Variants in CDH6 observed in about 807,000 individuals in gnomAD.
CDH6 encodes the protein cadherin 6, also known as cadherin-6.
A neutral mutation model predicts 78.0 loss-of-function variants in CDH6; 31 were observed. That is an observed-to-expected ratio of 0.40 (90% confidence interval 0.30 to 0.54). CDH6 has a LOEUF of 0.54. CDH6 is among the 20% of genes least tolerant of loss of function. The probability of loss-of-function intolerance (pLI) is 0.56; values close to 1 mark genes in which losing one functional copy is unlikely to be tolerated. For synonymous variants in CDH6, 376 were observed against 368.8 expected, an observed-to-expected ratio of 1.02 and a Z score of -0.23; for missense variants, 724 against 975.9, an observed-to-expected ratio of 0.74 and a Z score of 3.44.
intron 4 of CDH6, among the ~76,000 whole-genome samples, chr5:31,298,016 G>A (rs1477993477): frequency 1.3e-5 from 2 of 152,140 alleles, no homozygotes; most frequent in South Asian, 2.1e-4. Context: ...GTTGTGTGAA[G>A]CCACTAAGAT....
intron 1 of CDH6, among the ~76,000 whole-genome samples, chr5:31,226,714 C>T (rs1040328220): frequency 3.3e-5 from 5 of 152,192 alleles, no homozygotes; most frequent in Non-Finnish European, 7.3e-5. Context: ...TCAGTTCAAA[C>T]TCCTCTTGAA....
At chr5:31,212,159 T>A (rs1740726863) in intron 1 of CDH6, among the ~76,000 whole-genome samples, 3 of 152,208 alleles carry the variant, frequency 2.0e-5, no homozygotes, top group Non-Finnish European at 4.4e-5. Flanking sequence ...TAGTTTTGAC[T>A]TAATCAAGGT....
Position 31,328,349 on chromosome 5 carries a change from A to C in CDH6, c.*5041A>C, listed in dbSNP as rs943239276. ...ACGTTATTTATGTAAATATGTCTGGAGGCACCTTCTCTAAGCTTTTAGTTT... is the reference window on the plus strand; with the variant it reads ...ACGTTATTTATGTAAATATGTCTGGCGGCACCTTCTCTAAGCTTTTAGTTT... On this transcript the variant is annotated 3_prime_UTR_variant, in exon 12 of 12. Coordinates refer to ENST00000265071, the MANE Select transcript of CDH6 (RefSeq NM_004932.4). 1.0e-5 allele frequency: 2 copies of C among 200,296 alleles called. No homozygotes were observed. Among genetic ancestry groups the C allele is most frequent in the South Asian group, 1.9e-4 (1 of 5,238 alleles). The allele number at this position is 200,296 out of a possible 1,614,324, so 12.4% of individuals were successfully genotyped here.
chr5:31,264,253 A>AT (rs1448263403), intron 1 of CDH6, among the ~76,000 whole-genome samples: 1 of 152,236 alleles, frequency 6.6e-6, no homozygotes, highest in Admixed American at 6.5e-5. Flanking sequence ...GATGTTTGCA[A>AT]TGTATTGTAG....
Position 31,325,849 on chromosome 5 carries a change from A to C in CDH6, c.*2541A>C, listed in dbSNP as rs1048315870. 3 of 231,398 alleles carry C rather than the reference A, an allele frequency of 1.3e-5. No individual in the cohort carries two copies. The highest frequency in any genetic ancestry group is 2.6e-5 in the Non-Finnish European group (3 of 116,992). The allele number at this position is 231,398 out of a possible 1,614,324, so 14.3% of individuals were successfully genotyped here. ...TTGGATAATTTGAGACTGGGGCTAA[A>C]TATTTAGTACCAGGGTACTGTAAGT... On this transcript the variant is annotated 3_prime_UTR_variant, in exon 12 of 12. Transcript: ENST00000265071.
At chr5:31,216,222 T>A (rs1740859624) in intron 1 of CDH6, among the ~76,000 whole-genome samples, 1 of 152,128 alleles carries the variant, frequency 6.6e-6, no homozygotes, top group East Asian at 1.9e-4. Flanking sequence ...CTAATGCTTA[T>A]TTTGTCAATT....
rs1023336416 is a variant in CDH6 at position 31,323,709 on chromosome 5, A to C, written c.*401A>C. ...AAAGGACTGTGCTTTAAAGATAAAA[A>C]TATCATCATAGTAAAAGAAATGAGG... On this transcript the variant is annotated 3_prime_UTR_variant, in exon 12 of 12. Transcript: ENST00000265071. The C allele has an allele frequency of 4.1e-6, 1 of 246,120 alleles. No individual in the cohort carries two copies. The highest frequency in any genetic ancestry group is 2.2e-5 in the African/African-American group (1 of 45,688). 15.2% of individuals were successfully genotyped at this position (246,120 alleles called of 1,614,324 possible). A position where few individuals can be genotyped will look rare whatever the true frequency, so the allele number is the denominator to read the frequency against.
intron 1 of CDH6, among the ~76,000 whole-genome samples, chr5:31,240,497 G>A (rs1741569180): frequency 6.6e-6 from 1 of 151,968 alleles, no homozygotes; most frequent in Non-Finnish European, 1.5e-5. Flanking sequence ...GATCATTTAG[G>A]CCACTCTTGA....
chr5:31,226,561 C>G (rs1741157260), intron 1 of CDH6, among the ~76,000 whole-genome samples: 1 of 152,162 alleles, frequency 6.6e-6, no homozygotes, highest in Admixed American at 6.5e-5. Flanking sequence ...ACCCAGGGCA[C>G]AGAGAGGTTG....
chr5:31,319,907 TATTA>T (rs1178052303), intron 11 of CDH6, among the ~76,000 whole-genome samples: 1 of 152,230 alleles, frequency 6.6e-6, no homozygotes, highest in South Asian at 2.1e-4. Context: ...GGCACTGTGC[TATTA>T]ATTTTCTTTT....
chr5:31,206,130 T>C (rs909278664), intron 1 of CDH6, among the ~76,000 whole-genome samples: 9 of 140,888 alleles, frequency 6.4e-5, no homozygotes, highest in African/African-American at 2.3e-4. Context: ...ATAGAATAGA[T>C]AGATGACAGA....
intron 1 of CDH6, among the ~76,000 whole-genome samples, chr5:31,197,649 TAC>T (rs1275612690): frequency 1.3e-5 from 2 of 152,254 alleles, no homozygotes; most frequent in Non-Finnish European, 2.9e-5. Flanking sequence ...GAAGAAGGCA[TAC>T]ACACACACGC....
At chr5:31,293,830 T>TAA (rs200606558) in intron 2 of CDH6, 132 bp from the exon 3 acceptor site, 13,586 of 444,848 alleles carry the variant, frequency 0.031, 1,045 homozygotes, top group African/African-American at 0.22. Context: ...ACGTAAATAG[T>TAA]AAAAAAAAAA....
rs190894489 is a variant in CDH6 at position 31,302,095 on chromosome 5, G to A, written c.812-16G>A. ...GTTAGTCTATGTTTGACTTATATCT[G>A]TCTGGTGATTAATAGGTACATACCA... On this transcript the variant is annotated splice_polypyrimidine_tract_variant and intron_variant, in intron 5 of 11. Transcript: ENST00000265071. 1.9e-6 allele frequency: 3 copies of A among 1,575,788 alleles called. No individual in the cohort carries two copies. The highest frequency in any genetic ancestry group is 1.7e-4 in the Middle Eastern group (1 of 5,936).
intron 2 of CDH6, among the ~76,000 whole-genome samples, chr5:31,273,173 A>T (rs1742578308): frequency 6.6e-6 from 1 of 152,232 alleles, no homozygotes; most frequent in Admixed American, 6.5e-5. Flanking sequence ...GCAATATTTT[A>T]TCCGTTCTGA....
intron 1 of CDH6, among the ~76,000 whole-genome samples, chr5:31,239,395 G>A (rs1741536741): frequency 6.6e-6 from 1 of 152,022 alleles, no homozygotes; most frequent in Non-Finnish European, 1.5e-5. Flanking sequence ...GTTATTGCTG[G>A]GATACTTCTG....
chr5:31,211,411 G>T (rs1345039665), intron 1 of CDH6, among the ~76,000 whole-genome samples: 3 of 144,592 alleles, frequency 2.1e-5, no homozygotes, highest in Non-Finnish European at 4.6e-5. Context: ...AAAAAAAAAT[G>T]TTCTTCAAAA....
At chr5:31,239,674 T>C (rs1342958103) in intron 1 of CDH6, among the ~76,000 whole-genome samples, 2 of 152,190 alleles carry the variant, frequency 1.3e-5, no homozygotes, top group African/African-American at 4.8e-5. Context: ...GCTTCTCTTA[T>C]CCTCATAGGC....
chr5:31,324,441 C>A lies in CDH6; in HGVS notation c.*1133C>A. On this transcript the variant is annotated 3_prime_UTR_variant, in exon 12 of 12. Coordinates refer to ENST00000265071, the MANE Select transcript of CDH6 (RefSeq NM_004932.4). The stretch of plus-strand genomic sequence containing the variant: ...TGGAAACCTCTACATATTTATATAA[C>A]GTGATACATTTGGATAAACAACATT... The A allele has an allele frequency of 4.7e-6, 1 of 213,446 alleles. No homozygotes were observed. 13.2% of individuals were successfully genotyped at this position (213,446 alleles called of 1,614,324 possible). A position where few individuals can be genotyped will look rare whatever the true frequency, so the allele number is the denominator to read the frequency against.
Sources: allele counts gnomAD v4.1 joint callset (sites outside exome capture counted in the v4.1 genomes callset), GRCh38; gene constraint gnomAD v4.1.1; transcripts MANE v1.5; gene names NCBI Gene and HGNC (gene_info 2026-07-23, HGNC 2026-07-21).